NT5DC3: variants seen among roughly 807,000 people sequenced by gnomAD.
The protein encoded by NT5DC3 is 5'-nucleotidase domain containing 3, also known as 5'-nucleotidase domain-containing protein 3.
Under a neutral mutation model 67.8 loss-of-function variants are expected in NT5DC3, and 42 were observed. The ratio of observed to expected loss-of-function variants is 0.62; its 90% CI spans 0.48 to 0.80. NT5DC3 has a LOEUF of 0.80. NT5DC3 is among the 30% of genes least tolerant of loss of function. The pLI, the probability that NT5DC3 is intolerant of heterozygous loss-of-function variation, is 0.00. For synonymous variants in NT5DC3, 237 were observed against 255.6 expected, an observed-to-expected ratio of 0.93 and a Z score of 0.69; for missense variants, 570 against 696.4, an observed-to-expected ratio of 0.82 and a Z score of 2.04.
the NT5DC3 span, among the ~76,000 whole-genome samples, chr12:103,747,148 C>A: frequency 6.6e-6 from 1 of 151,798 alleles, no homozygotes. Flanking sequence ...TCTAACTCTA[C>A]AAGTAATCCA....
chr12:103,750,733 A>C, the NT5DC3 span: 1 of 1,608,218 alleles, frequency 6.2e-7, no homozygotes, highest in Non-Finnish European at 8.5e-7. Flanking sequence ...TAGTGTGACC[A>C]GGGCCTATGG....
intron 1 of NT5DC3, among the ~76,000 whole-genome samples, chr12:103,834,536 C>T (rs943433049): frequency 2.0e-5 from 3 of 151,794 alleles, no homozygotes; most frequent in Non-Finnish European, 4.4e-5. Context: ...TAGGTAAATA[C>T]GAAGGAAAAC....
chr12:103,769,218 G>A (rs1218288194), downstream of NT5DC3, among the ~76,000 whole-genome samples: 3 of 152,152 alleles, frequency 2.0e-5, no homozygotes, highest in Non-Finnish European at 4.4e-5. Flanking sequence ...GCCTACTCAG[G>A]CCCACCCAAC....
the NT5DC3 span, chr12:103,750,811 C>A: frequency 6.9e-7 from 1 of 1,454,678 alleles, no homozygotes; most frequent in South Asian, 1.4e-5. Flanking sequence ...ACAAAACAGG[C>A]CAAGCCTGGT....
At chr12:103,833,950 G>C (rs1424592153) in intron 1 of NT5DC3, among the ~76,000 whole-genome samples, 5 of 152,138 alleles carry the variant, frequency 3.3e-5, no homozygotes, top group Admixed American at 3.3e-4. Context: ...ATCACACGAA[G>C]ATTTCTTAGA....
intron 9 of NT5DC3, among the ~76,000 whole-genome samples, chr12:103,789,221 C>T (rs764040156): frequency 6.6e-6 from 1 of 152,084 alleles, no homozygotes; most frequent in Non-Finnish European, 1.5e-5. Context: ...GTCAGGAGTT[C>T]GAGATCAGCC....
chr12:103,789,535 G>C (rs1167130541), intron 9 of NT5DC3, among the ~76,000 whole-genome samples: 1 of 152,196 alleles, frequency 6.6e-6, no homozygotes, highest in African/African-American at 2.4e-5. Context: ...GCTCTGAAAA[G>C]CCCTGCTGTA....
In NT5DC3 at chr12:103,776,655, A is replaced by T. The variant is rs1290985503; in HGVS notation, c.*1174T>A. 5 of 135,060 alleles carry T rather than the reference A, an allele frequency of 3.7e-5. No individual in the cohort carries two copies. The East Asian group carries it at 6.9e-4, about 19-fold the overall frequency. 8.4% of individuals were successfully genotyped at this position (135,060 alleles called of 1,614,324 possible). A position where few individuals can be genotyped will look rare whatever the true frequency, so the allele number is the denominator to read the frequency against. On this transcript the variant is annotated 3_prime_UTR_variant, in exon 14 of 14. Transcript: ENST00000392876. ...TCGCCCTTTCCCATCTTAGACATCT[A>T]AAAAAAAACAAAACAAAACAAAAAA...
At chr12:103,784,484 C>T (rs1303269235) in intron 12 of NT5DC3, among the ~76,000 whole-genome samples, 1 of 152,204 alleles carries the variant, frequency 6.6e-6, no homozygotes, top group Non-Finnish European at 1.5e-5. Context: ...GCAGGCAAGG[C>T]AATTCCCTGC....
At chr12:103,748,898 C>A in the NT5DC3 span, 2 of 1,546,262 alleles carry the variant, frequency 1.3e-6, no homozygotes, top group Non-Finnish European at 1.8e-6. Flanking sequence ...TGCCCCATAC[C>A]CTGACCTGAA....
At chr12:103,814,492 T>C (rs769542897) in intron 2 of NT5DC3, among the ~76,000 whole-genome samples, 2 of 152,182 alleles carry the variant, frequency 1.3e-5, no homozygotes, top group Admixed American at 1.3e-4. Context: ...CCTTCCTCAT[T>C]AAAAACTCTC....
chr12:103,788,828 C>CA lies in NT5DC3; in HGVS notation c.1101+9dup. Reference sequence around the variant, plus strand: ...AAAGCAACAAAAAGGATCAGCTGGTCATGAGATACCTGCTTGTATATCTGG... The same window carrying CA: ...AAAGCAACAAAAAGGATCAGCTGGTCAATGAGATACCTGCTTGTATATCTGG... On this transcript the variant is annotated intron_variant, in intron 10 of 13. Coordinates refer to ENST00000392876, the MANE Select transcript of NT5DC3 (RefSeq NM_001031701.3). 6.3e-7 allele frequency: 1 copy of CA among 1,576,738 alleles called. No individual in the cohort carries two copies. Among genetic ancestry groups the CA allele is most frequent in the Non-Finnish European group, 8.7e-7 (1 of 1,145,874 alleles).
chr12:103,841,016 G>C lies in NT5DC3; in HGVS notation c.141C>G (p.Pro47=), dbSNP rs751116124. 146 of 1,296,984 alleles carry C rather than the reference G, an allele frequency of 1.1e-4. 1 individual carries two copies. In the African/African-American group the frequency reaches 1.9e-3, roughly 17 times the overall value. 80.3% of individuals were successfully genotyped at this position (1,296,984 alleles called of 1,614,324 possible). The part of the protein sequence containing the change: ...AGPARPLCTA[P]GTAPDMKRYL... ...AGCGCTTCATGTCCGGGGCGGTCCC[G>C]GGTGCAGTGCACAAGGGCCGGGCGG... Residue 47 remains proline, a synonymous_variant, in exon 1 of 14, where the codon CCC becomes CCG. Coordinates refer to ENST00000392876, the MANE Select transcript of NT5DC3 (RefSeq NM_001031701.3).
At chr12:103,784,368 G>A (rs780130951) in intron 12 of NT5DC3, among the ~76,000 whole-genome samples, 1 of 152,196 alleles carries the variant, frequency 6.6e-6, no homozygotes, top group Non-Finnish European at 1.5e-5. Flanking sequence ...GACGTGCAGG[G>A]CCCCATGCTC....
intron 1 of NT5DC3, among the ~76,000 whole-genome samples, chr12:103,839,897 T>G (rs1181084288): frequency 1.3e-5 from 2 of 152,236 alleles, no homozygotes; most frequent in African/African-American, 4.8e-5. Flanking sequence ...TGTGATCCTA[T>G]AAAACGTTCT....
At chr12:103,839,294 C>T (rs1330977139) in intron 1 of NT5DC3, among the ~76,000 whole-genome samples, 1 of 152,164 alleles carries the variant, frequency 6.6e-6, no homozygotes, top group South Asian at 2.1e-4. Flanking sequence ...CCAACCAGGC[C>T]GGAGTACAGT....
At chr12:103,758,868 T>C in the NT5DC3 span, among the ~76,000 whole-genome samples, 1,174 of 152,264 alleles carry the variant, frequency 7.7e-3, 13 homozygotes, top group African/African-American at 0.026. Flanking sequence ...AGGAAAGCAA[T>C]ACCTCTGCCT....
rs1396253056 is a variant in NT5DC3, at chr12:103,772,441, A to G, written c.*5388T>C. 6.6e-6 allele frequency: 1 copy of G among 152,514 alleles called. No homozygotes were observed. Among genetic ancestry groups the G allele is most frequent in the Non-Finnish European group, 1.5e-5 (1 of 68,046 alleles). The allele number at this position is 152,514 out of a possible 1,614,324, so 9.4% of individuals were successfully genotyped here. On this transcript the variant is annotated 3_prime_UTR_variant, in exon 14 of 14. Coordinates refer to ENST00000392876, the MANE Select transcript of NT5DC3 (RefSeq NM_001031701.3). ...ATTTGCATTAATTGTGCCTGATATC[A>G]TACAGGCACAATCTGTCATTCCACG... is the stretch of plus-strand genomic sequence containing the variant.
chr12:103,766,327 G>A (rs1884961680), downstream of NT5DC3: 4 of 1,612,952 alleles, frequency 2.5e-6, no homozygotes, highest in Non-Finnish European at 3.4e-6. Flanking sequence ...ACCCCTTGAG[G>A]ACACTGTGAG....
Sources: gnomAD v4.1 joint callset for allele counts (sites outside exome capture counted in the v4.1 genomes callset) on GRCh38, gnomAD v4.1.1 for gene constraint, MANE v1.5 for transcripts, NCBI Gene and HGNC (gene_info 2026-07-23, HGNC 2026-07-21) for gene names.